The following MOXD1 variants were observed in gnomAD, a reference collection of about 807,000 sequenced individuals.
MOXD1 encodes the protein DBH-like monooxygenase protein 1.
In MOXD1, 62 loss-of-function variants were observed where a neutral mutation model predicts 66.6. The ratio of observed to expected loss-of-function variants is 0.93; its 90% CI spans 0.76 to 1.15. The LOEUF is 1.15. Among genes scored for constraint, MOXD1 ranks in the 50% most tolerant of loss-of-function variants. MOXD1 has a pLI of 0.00. For synonymous variants in MOXD1, 303 were observed against 281.9 expected (o/e 1.07, Z -0.75); for missense variants, 847 against 754.6 (o/e 1.12, Z -1.44).
intron 4 of MOXD1, among the ~76,000 whole-genome samples, chr6:132,330,391 T>C (rs1775291882): frequency 6.6e-6 from 1 of 152,208 alleles, no homozygotes; most frequent in African/African-American, 2.4e-5. Flanking sequence ...CTAGGCTGCG[T>C]GCTCTTTATG....
chr6:132,315,490 T>A, intron 10 of MOXD1, 145 bp downstream of exon 10: 1 of 947,248 alleles, frequency 1.1e-6, no homozygotes, highest in Non-Finnish European at 1.6e-6. Context: ...TCAAAAAGGT[T>A]ACTTGGTCTC....
intron 10 of MOXD1, among the ~76,000 whole-genome samples, chr6:132,313,286 G>C (rs1774870443): frequency 6.6e-6 from 1 of 152,086 alleles, no homozygotes; most frequent in Non-Finnish European, 1.5e-5. Flanking sequence ...TGCTCTACCT[G>C]TTGGAATTGT....
Position 132,372,915 on chromosome 6 carries a change from C to A in MOXD1, c.494G>T (p.Gly165Val). 6.2e-7 allele frequency: 1 copy of A among 1,614,042 alleles called. No homozygotes were observed. Among genetic ancestry groups the A allele is most frequent in the Non-Finnish European group, 8.5e-7 (1 of 1,179,936 alleles). ...AGPKYHDSNRGTKSLRLLNPE... is the reference protein window; with the variant it reads ...AGPKYHDSNRVTKSLRLLNPE... ...ATTCAATAACCGCAAACTCTTGGTG[C>A]CCCTATTGGAGTCATGGTACTTGGG... The change falls in exon 3 of 12, where the codon GGC becomes GTC. Residue 165 changes from glycine to valine, a missense_variant. Gly to Val is a moderately radical substitution (Grantham distance 109). Transcript: ENST00000367963.
intron 4 of MOXD1, among the ~76,000 whole-genome samples, chr6:132,332,643 A>G (rs1300915140): frequency 6.6e-6 from 1 of 152,170 alleles, no homozygotes; most frequent in Non-Finnish European, 1.5e-5. Flanking sequence ...AGTGCAGGAC[A>G]GGGCCATTGG....
chr6:132,324,976 CACACACACACAT>C (rs987524109), intron 6 of MOXD1: 15 of 148,160 alleles, frequency 1.0e-4, no homozygotes, highest in African/African-American at 3.6e-4. Context: ...CACACACACA[CACACACACACAT>C]ACTTAGAAGA....
chr6:132,312,843 C>A (rs1413809267), intron 10 of MOXD1, among the ~76,000 whole-genome samples: 1 of 151,556 alleles, frequency 6.6e-6, no homozygotes, highest in African/African-American at 2.4e-5. Flanking sequence ...GCATTTAAAT[C>A]ATCTTGCAAA....
intron 4 of MOXD1, among the ~76,000 whole-genome samples, chr6:132,348,160 A>T (rs1775704801): frequency 6.6e-6 from 1 of 152,248 alleles, no homozygotes; most frequent in Non-Finnish European, 1.5e-5. Flanking sequence ...ATACTGCATA[A>T]GAAAGTATTT....
chr6:132,371,349 TCA>T (rs1013527492), intron 4 of MOXD1, among the ~76,000 whole-genome samples: 2 of 152,260 alleles, frequency 1.3e-5, no homozygotes, highest in African/African-American at 4.8e-5. Flanking sequence ...TCACCTGCAG[TCA>T]CAGTCTCCTG....
At chr6:132,337,663 G>C (rs2114601689) in intron 4 of MOXD1, among the ~76,000 whole-genome samples, 1 of 152,224 alleles carries the variant, frequency 6.6e-6, no homozygotes, top group East Asian at 1.9e-4. Context: ...AACACTTCAA[G>C]AATATAAAAA....
At chr6:132,311,398 C>T (rs1057291484) in intron 10 of MOXD1, among the ~76,000 whole-genome samples, 8 of 151,520 alleles carry the variant, frequency 5.3e-5, no homozygotes, top group African/African-American at 1.7e-4. Flanking sequence ...CATTAAAAAT[C>T]TTGAAAATAT....
chr6:132,399,737 G>C (rs1376344320), intron 1 of MOXD1, among the ~76,000 whole-genome samples: 1 of 152,096 alleles, frequency 6.6e-6, no homozygotes, highest in African/African-American at 2.4e-5. Flanking sequence ...GGATAGTTAA[G>C]GGGCATACTA....
rs748283124 is a variant in MOXD1, at chr6:132,297,279, T to C, written c.1716A>G (p.Arg572=). Residue 572 remains arginine, a synonymous_variant, in exon 12 of 12, where the codon AGA becomes AGG. Coordinates refer to ENST00000367963, the MANE Select transcript of MOXD1 (RefSeq NM_015529.4). ...ACACCAAAGGTTCTGCTTTATAGGGTCTTTCTATATCTGGAGGTAATGCTG... is the reference window on the plus strand; with the variant it reads ...ACACCAAAGGTTCTGCTTTATAGGGCCTTTCTATATCTGGAGGTAATGCTG... ...GMTALPPDIE[R]PYKAEPLVCG... The C allele has an allele frequency of 6.2e-7, 1 of 1,613,248 alleles. No individual in the cohort carries two copies. Among genetic ancestry groups the C allele is most frequent in the Non-Finnish European group, 8.5e-7 (1 of 1,179,536 alleles).
chr6:132,348,471 A>G (rs1471559183), intron 4 of MOXD1, among the ~76,000 whole-genome samples: 2 of 152,184 alleles, frequency 1.3e-5, no homozygotes, highest in Non-Finnish European at 2.9e-5. Context: ...TTAGTCTTAC[A>G]AGTCTGATTT....
At chr6:132,362,114 T>G (rs572686158) in intron 4 of MOXD1, among the ~76,000 whole-genome samples, 1 of 152,116 alleles carries the variant, frequency 6.6e-6, no homozygotes, top group South Asian at 2.1e-4. Flanking sequence ...TTTTGATAAG[T>G]ATACAATTGT....
chr6:132,308,011 T>A (rs1336968482), intron 10 of MOXD1, among the ~76,000 whole-genome samples: 2 of 143,098 alleles, frequency 1.4e-5, no homozygotes, highest in Non-Finnish European at 3.1e-5. Context: ...AAGAAATAAC[T>A]AAAATCAGAA....
intron 4 of MOXD1, among the ~76,000 whole-genome samples, chr6:132,338,601 C>T (rs1302930601): frequency 2.0e-5 from 3 of 152,180 alleles, no homozygotes; most frequent in African/African-American, 7.2e-5. Context: ...ACCCCCGACC[C>T]AGTGTTTTCT....
At chr6:132,331,296 T>G (rs534726582) in intron 4 of MOXD1, among the ~76,000 whole-genome samples, 5 of 152,276 alleles carry the variant, frequency 3.3e-5, no homozygotes, top group Admixed American at 1.3e-4. Flanking sequence ...AACCTTAAGG[T>G]TGTACTGAGC....
intron 10 of MOXD1, among the ~76,000 whole-genome samples, chr6:132,299,624 GAT>G (rs1774485862): frequency 6.6e-6 from 1 of 152,038 alleles, no homozygotes; most frequent in African/African-American, 2.4e-5. Flanking sequence ...TGCTTGAAAA[GAT>G]AGTTTTCAGG....
chr6:132,315,172 C>CA (rs750368856), intron 10 of MOXD1, among the ~76,000 whole-genome samples: 1 of 152,072 alleles, frequency 6.6e-6, no homozygotes, highest in Non-Finnish European at 1.5e-5. Context: ...CTAGTTCCTC[C>CA]AAAAAACTCT....
Sources: allele counts gnomAD v4.1 joint callset (sites outside exome capture counted in the v4.1 genomes callset), GRCh38; gene constraint gnomAD v4.1.1; transcripts MANE v1.5; gene names NCBI Gene and HGNC (gene_info 2026-07-23, HGNC 2026-07-21).